CHN2: variants seen among roughly 807,000 people sequenced by gnomAD.
CHN2 encodes chimerin 2.
In CHN2, 35 loss-of-function variants were observed where a neutral mutation model predicts 56.3. That is an observed-to-expected ratio of 0.62 (90% CI 0.47 to 0.82). The LOEUF is 0.82. CHN2 is among the 40% of genes least tolerant of loss of function. The pLI is 0.00. For missense variants in CHN2, 491 were observed against 580.5 expected, an observed-to-expected ratio of 0.85 and a Z score of 1.58; for synonymous variants, 210 against 212.8, an observed-to-expected ratio of 0.99 and a Z score of 0.12.
intron 1 of CHN2, among the ~76,000 whole-genome samples, chr7:29,340,817 A>G (rs1796994021): frequency 6.6e-6 from 1 of 152,250 alleles, no homozygotes; most frequent in African/African-American, 2.4e-5. Context: ...TCCCTGGCAC[A>G]TAAAGGGTGC....
At chr7:29,423,465 G>A (rs915819023) in intron 6 of CHN2, among the ~76,000 whole-genome samples, 1 of 152,152 alleles carries the variant, frequency 6.6e-6, no homozygotes, top group Non-Finnish European at 1.5e-5. Context: ...ATTCCCTGGG[G>A]TCAGCTGGGG....
chr7:29,179,844 T>C (rs1475963356), intron 2 of CHN2, among the ~76,000 whole-genome samples: 1 of 152,220 alleles, frequency 6.6e-6, no homozygotes, highest in East Asian at 1.9e-4. Flanking sequence ...TTAGTGCATG[T>C]GAGGATTTAT....
chr7:29,412,946 C>T (rs1803386364), intron 6 of CHN2, among the ~76,000 whole-genome samples: 1 of 152,132 alleles, frequency 6.6e-6, no homozygotes, highest in Non-Finnish European at 1.5e-5. Flanking sequence ...GGATTTTGTT[C>T]CCTGAATAAT....
chr7:29,442,712 C>T (rs1783730315), intron 6 of CHN2, among the ~76,000 whole-genome samples: 1 of 152,058 alleles, frequency 6.6e-6, no homozygotes, highest in African/African-American at 2.4e-5. Context: ...TGTCTGTGTT[C>T]TCATGTCAAT....
At chr7:29,281,450 C>T (rs966914709) in intron 1 of CHN2, among the ~76,000 whole-genome samples, 2 of 152,158 alleles carry the variant, frequency 1.3e-5, no homozygotes, top group Non-Finnish European at 2.9e-5. Context: ...CCTCATTTCA[C>T]ACACATGTGA....
intron 3 of CHN2, among the ~76,000 whole-genome samples, chr7:29,387,930 A>G (rs1268204331): frequency 6.6e-6 from 1 of 152,240 alleles, no homozygotes; most frequent in African/African-American, 2.4e-5. Context: ...ACTGCACACA[A>G]ATATACCTAC....
chr7:29,432,405 C>T (rs1192539829), intron 6 of CHN2, among the ~76,000 whole-genome samples: 2 of 152,214 alleles, frequency 1.3e-5, no homozygotes, highest in African/African-American at 2.4e-5. Context: ...TTGCTATTCT[C>T]TTCCTGCTGT....
intron 1 of CHN2, among the ~76,000 whole-genome samples, chr7:29,231,076 G>A (rs1786663166): frequency 6.6e-6 from 1 of 152,150 alleles, no homozygotes; most frequent in South Asian, 2.1e-4. Context: ...GCATTGTGAT[G>A]AGCCTGGCGG....
intron 6 of CHN2, among the ~76,000 whole-genome samples, chr7:29,410,718 A>G (rs1180704346): frequency 6.6e-6 from 1 of 152,136 alleles, no homozygotes; most frequent in Non-Finnish European, 1.5e-5. Context: ...AAAAAGTTAT[A>G]GGAGTTGATG....
chr7:29,352,402 A>T (rs572186632), intron 1 of CHN2, among the ~76,000 whole-genome samples: 1 of 151,094 alleles, frequency 6.6e-6, no homozygotes, highest in East Asian at 1.9e-4. Context: ...TTTGAAAAAA[A>T]TATTTTTGAA....
chr7:29,266,373 A>G (rs1347896901), intron 1 of CHN2, among the ~76,000 whole-genome samples: 7 of 152,212 alleles, frequency 4.6e-5, no homozygotes, highest in Admixed American at 4.6e-4. Context: ...TTACCTTCTA[A>G]TAGGAAGAGT....
chr7:29,148,019 G>A (rs1406369966), intron 2 of CHN2, among the ~76,000 whole-genome samples: 2 of 152,156 alleles, frequency 1.3e-5, no homozygotes, highest in Non-Finnish European at 2.9e-5. Context: ...TGGAAGCTCG[G>A]TCAAGCTTCC....
intron 6 of CHN2, among the ~76,000 whole-genome samples, chr7:29,437,320 T>C (rs7782846): frequency 0.44 from 45,138 of 103,468 alleles, 14,851 homozygotes; most frequent in African/African-American, 0.83. Context: ...TAAAACCGGC[T>C]GGGCGCGGTG....
At chr7:29,361,557 A>T (rs1230495588) in intron 2 of CHN2, among the ~76,000 whole-genome samples, 1 of 152,218 alleles carries the variant, frequency 6.6e-6, no homozygotes, top group Non-Finnish European at 1.5e-5. Context: ...GAGAGGTGGC[A>T]GTTCCTCGCT....
intron 1 of CHN2, among the ~76,000 whole-genome samples, chr7:29,267,934 C>T (rs1193914424): frequency 6.6e-6 from 1 of 152,108 alleles, no homozygotes; most frequent in African/African-American, 2.4e-5. Flanking sequence ...ACTAAAGTCC[C>T]CAGTTAGGCA....
chr7:29,242,504 T>C (rs1334959643), intron 1 of CHN2, among the ~76,000 whole-genome samples: 1 of 152,152 alleles, frequency 6.6e-6, no homozygotes, highest in African/African-American at 2.4e-5. Flanking sequence ...CATCAGCCGT[T>C]TGCTTGCAGA....
At chr7:29,367,499 T>G (rs1382422181) in intron 2 of CHN2, among the ~76,000 whole-genome samples, 1 of 152,174 alleles carries the variant, frequency 6.6e-6, no homozygotes, top group Non-Finnish European at 1.5e-5. Flanking sequence ...AGAATCACAC[T>G]CCTCTTAAAA....
At chr7:29,271,457 C>T (rs557771955) in intron 1 of CHN2, among the ~76,000 whole-genome samples, 9 of 152,314 alleles carry the variant, frequency 5.9e-5, no homozygotes, top group Non-Finnish European at 8.8e-5. Context: ...GTTTCTCAGA[C>T]GCCCTCTGGG....
chr7:29,199,474 TCAC>T (rs1783988025), intron 1 of CHN2: 1 of 152,240 alleles, frequency 6.6e-6, no homozygotes. Flanking sequence ...AAATTTCACA[TCAC>T]CTAGACTGGC....
Sources: gnomAD v4.1 joint callset for allele counts (sites outside exome capture counted in the v4.1 genomes callset) on GRCh38, gnomAD v4.1.1 for gene constraint, MANE v1.5 for transcripts, NCBI Gene and HGNC (gene_info 2026-07-23, HGNC 2026-07-21) for gene names.